The following KIF19 variants were observed in gnomAD, a reference collection of about 807,000 sequenced individuals.
KIF19 encodes the protein kinesin family member 19, also known as kinesin-like protein KIF19.
A neutral mutation model predicts 106.6 loss-of-function variants in KIF19; 98 were observed. The ratio of observed to expected loss-of-function variants is 0.92; its 90% CI spans 0.78 to 1.09. KIF19 has a LOEUF of 1.09. Ranked by LOEUF, KIF19 falls within the 50% of genes least tolerant of loss-of-function variation. The pLI is 0.00. For synonymous variants in KIF19, 516 were observed against 584.2 expected, an observed-to-expected ratio of 0.88 and a Z score of 1.68; for missense variants, 1,373 against 1,414.3, an observed-to-expected ratio of 0.97 and a Z score of 0.47.
Position 74,353,532 on chromosome 17 carries a change from T to C in KIF19, c.2259T>C (p.Ser753=), listed in dbSNP as rs376202075. The change falls in exon 17 of 20, where the codon TCT becomes TCC. Residue 753 remains serine (S), a synonymous_variant. Coordinates refer to ENST00000389916, the MANE Select transcript of KIF19 (RefSeq NM_153209.4). The part of the protein sequence containing the change: ...AQDSLGSWIN[S]SPDSSENLSE... ...ACAGCCTGGGCAGCTGGATCAACTC[T>C]TCCCCTGACAGCAGTGAGAACCTGT... 1.2e-6 allele frequency: 2 copies of C among 1,613,760 alleles called. No homozygotes were observed. The highest frequency in any genetic ancestry group is 2.7e-5 in the African/African-American group (2 of 74,936).
At position 74,333,758 on chromosome 17, in the gene KIF19, G is replaced by C. The variant is rs138432269; in HGVS notation, c.120+5253G>C. On this transcript the variant is annotated intron_variant, in intron 2 of 19. Coordinates refer to ENST00000389916, the MANE Select transcript of KIF19 (RefSeq NM_153209.4). ...GATCCTTACACTCAGCATCTGGATGGATACAATCCACTGTGCCTGGCTGGT... is the reference window on the plus strand; with the variant it reads ...GATCCTTACACTCAGCATCTGGATGCATACAATCCACTGTGCCTGGCTGGT... Among the ~76,000 whole-genome samples, 858 of 151,902 alleles carry C rather than the reference G, an allele frequency of 5.6e-3. 5 individuals are homozygous for C. Among genetic ancestry groups the C allele is most frequent in the Middle Eastern group, 0.014 (4 of 294 alleles).
intron 2 of KIF19, among the ~76,000 whole-genome samples, chr17:74,337,370 G>A (rs2054247953): frequency 6.6e-6 from 1 of 152,170 alleles, no homozygotes; most frequent in African/African-American, 2.4e-5. Context: ...GGTGGGGCAT[G>A]CGTGTGCTGG....
rs140326274 is a variant in KIF19, at chr17:74,340,714, G to A, written c.121-1162G>A. Among the ~76,000 whole-genome samples, 11 of 152,326 alleles carry A rather than the reference G, an allele frequency of 7.2e-5. No individual in the cohort carries two copies. In the South Asian group the frequency reaches 1.2e-3, roughly 17 times the overall value. On this transcript the variant is annotated intron_variant, in intron 2 of 19. Transcript: ENST00000389916. ...CGGCTCAGGCTCAAAGCTGCAAAGG[G>A]CCACTGGAGCAGTTCCCTCACAGCC...
In KIF19 at chr17:74,353,176, T is replaced by A. The variant is rs752099577; in HGVS notation, c.2115-20T>A. 26 of 1,563,852 alleles carry A rather than the reference T, an allele frequency of 1.7e-5. No homozygotes were observed. In the Admixed American group the frequency reaches 4.9e-4, roughly 30 times the overall value. On this transcript the variant is annotated intron_variant, in intron 15 of 19. Transcript: ENST00000389916. Reference sequence around the variant, plus strand: ...AGATAGCCTGGTCTACAGCCACTCATCTTCCTCTGCCAACTTCAGTGAAGG... The same window carrying A: ...AGATAGCCTGGTCTACAGCCACTCAACTTCCTCTGCCAACTTCAGTGAAGG...
At chr17:74,344,101 T>C (rs987067408) in intron 5 of KIF19, 122 bp from the exon 6 acceptor site, 10 of 936,180 alleles carry the variant, frequency 1.1e-5, no homozygotes, top group Non-Finnish European at 1.4e-5. Flanking sequence ...GAGAAGAGCC[T>C]GGGCTCAGGA....
At chr17:74,347,702 G>T in intron 8 of KIF19, 75 bp from the exon 9 acceptor site, 2 of 1,523,012 alleles carry the variant, frequency 1.3e-6, no homozygotes, top group Non-Finnish European at 1.8e-6. Context: ...TCGCCAGGGA[G>T]GGCATCGTGA....
Position 74,355,166 on chromosome 17 carries a change from C to A in KIF19, c.2867-16C>A. ...GCATTCCGAAACCACTGATCCTGCC[C>A]CTTTCCCTGTTGCAGGCCCGGGGGA... On this transcript the variant is annotated splice_polypyrimidine_tract_variant and intron_variant, in intron 19 of 19. Transcript: ENST00000389916. The A allele has an allele frequency of 1.3e-6, 2 of 1,582,428 alleles. No homozygotes were observed. Among genetic ancestry groups the A allele is most frequent in the South Asian group, 1.1e-5 (1 of 87,054 alleles).
At position 74,344,791 on chromosome 17, in the gene KIF19, C is replaced by T; in HGVS notation, c.613C>T (p.Gln205Ter). 6.2e-7 allele frequency: 1 copy of T among 1,610,548 alleles called. No homozygotes were observed. ...IMQLLMKGNR[Q>*]RTQEPTAANQ... ...GCAGCTGCTGATGAAGGGGAACCGG[C>T]AGAGGACCCAGGAGCCCACGGCCGC... Residue 205 changes from glutamine to a stop codon, truncating the protein, a stop_gained, in exon 7 of 20, where the codon CAG becomes TAG. Transcript: ENST00000389916. LOFTEE classifies it high-confidence loss of function.
In KIF19 at chr17:74,352,149, G is replaced by A. The variant is rs370562255; in HGVS notation, c.1858+12G>A. ...GCAGATCATCGACGGTAGGGCCCAC[G>A]CCCCCGCGCATCTGAGCCACCCGCG... On this transcript the variant is annotated intron_variant, in intron 13 of 19. Coordinates refer to ENST00000389916, the MANE Select transcript of KIF19 (RefSeq NM_153209.4). 9 of 1,582,178 alleles carry A rather than the reference G, an allele frequency of 5.7e-6. No homozygotes were observed. The highest frequency in any genetic ancestry group is 7.7e-6 in the Non-Finnish European group (9 of 1,161,722).
chr17:74,338,952 T>C (rs529641963), intron 2 of KIF19, among the ~76,000 whole-genome samples: 1 of 152,038 alleles, frequency 6.6e-6, no homozygotes, highest in East Asian at 1.9e-4. Flanking sequence ...TCACCAGCCC[T>C]GGCTCCCCTG....
chr17:74,335,904 G>C (rs1373128933), intron 2 of KIF19, among the ~76,000 whole-genome samples: 1 of 152,236 alleles, frequency 6.6e-6, no homozygotes, highest in Admixed American at 6.5e-5. Flanking sequence ...CCTATGGCAG[G>C]TGAGCCTGCC....
In KIF19 at chr17:74,344,230, A is replaced by G. The variant is rs748437789; in HGVS notation, c.464A>G (p.Asn155Ser). Residue 155 changes from asparagine (N) to serine (S), a missense_variant, in exon 6 of 20, where the codon AAT (asparagine) becomes AGT (serine). Physicochemically the swap from Asn to Ser is conservative, Grantham distance 46 (BLOSUM62 1). This residue lies in a region of KIF19 where 348 missense variants were observed against 389.5 expected (regional missense o/e 0.89). Transcript: ENST00000389916. Reference protein sequence around the residue: ...EVSMSYLEIYNEMIRDLLNPS... With the variant: ...EVSMSYLEIYSEMIRDLLNPS... The stretch of plus-strand genomic sequence containing the variant: ...CCCCACCTGTCCCGTCAGATCTACA[A>G]TGAGATGATCCGGGACCTGCTGAAC... 9.2e-5 allele frequency: 149 copies of G among 1,612,098 alleles called. 2 individuals carry two copies. Among genetic ancestry groups the G allele is most frequent in the Non-Finnish European group, 1.1e-4 (129 of 1,179,438 alleles).
At chr17:74,340,134 G>A (rs542328296) in intron 2 of KIF19, among the ~76,000 whole-genome samples, 2 of 152,134 alleles carry the variant, frequency 1.3e-5, no homozygotes, top group Non-Finnish European at 2.9e-5. Context: ...AGGAGATGGA[G>A]GCTCAAGCAG....
At chr17:74,340,303 G>A (rs1161449289) in intron 2 of KIF19, among the ~76,000 whole-genome samples, 1 of 152,132 alleles carries the variant, frequency 6.6e-6, no homozygotes, top group African/African-American at 2.4e-5. Context: ...ATCTGGCATT[G>A]TCTCTATCCC....
chr17:74,343,212 G>A (rs750184034), intron 5 of KIF19, 52 bp downstream of exon 5: 31 of 1,589,494 alleles, frequency 2.0e-5, no homozygotes, highest in Non-Finnish European at 2.5e-5. Flanking sequence ...CCCTGGGGCT[G>A]GTCACTGTGC....
At chr17:74,333,423 C>T (rs903700932) in intron 2 of KIF19, among the ~76,000 whole-genome samples, 8 of 143,112 alleles carry the variant, frequency 5.6e-5, no homozygotes, top group Non-Finnish European at 1.0e-4. Flanking sequence ...AGTGCCGTGG[C>T]GCTATCTTAG....
intron 8 of KIF19, 83 bp from the exon 9 acceptor site, chr17:74,347,694 G>T: frequency 6.7e-7 from 1 of 1,494,352 alleles, no homozygotes; most frequent in South Asian, 1.2e-5. Context: ...GATTGCACTC[G>T]CCAGGGAGGG....
intron 5 of KIF19, among the ~76,000 whole-genome samples, 158 bp from the exon 6 acceptor site, chr17:74,344,065 C>A (rs1298885615): frequency 6.6e-6 from 1 of 152,132 alleles, no homozygotes; most frequent in African/African-American, 2.4e-5. Context: ...AAGGAAAGGG[C>A]CTTTCCTCCT....
Position 74,354,246 on chromosome 17 carries a change from G to A in KIF19, c.2393G>A (p.Arg798Gln), listed in dbSNP as rs371835192. ...RRSRALGTEG[R>Q]HLLAPATERS... ...TCGCGGGCCCTGGGAACCGAGGGGC[G>A]ACACCTGCTGGCACCCGCGACAGAG... Residue 798 changes from arginine (R) to glutamine (Q), a missense_variant, in exon 18 of 20, where the codon CGA becomes CAA. Arg to Gln is a conservative substitution (Grantham distance 43, BLOSUM62 1). This residue lies in a region of KIF19 where 1,020 missense variants were observed against 1,008.2 expected (regional missense o/e 1.01). Coordinates refer to ENST00000389916, the MANE Select transcript of KIF19 (RefSeq NM_153209.4). The A allele has an allele frequency of 6.7e-5, 107 of 1,608,270 alleles. No individual in the cohort carries two copies. The highest frequency in any genetic ancestry group is 8.4e-5 in the Non-Finnish European group (99 of 1,179,380).
Sources: gnomAD v4.1 joint callset for allele counts (sites outside exome capture counted in the v4.1 genomes callset) on GRCh38, gnomAD v4.1.1 for gene constraint, gnomAD v4.1.1 regional missense constraint, MANE v1.5 for transcripts, NCBI Gene and HGNC (gene_info 2026-07-23, HGNC 2026-07-21) for gene names.